CLVS1: variants seen among roughly 807,000 people sequenced by gnomAD.
CLVS1 encodes the protein clavesin 1, also known as clavesin-1.
In CLVS1, 10 loss-of-function variants were observed where a neutral mutation model predicts 33.1. The observed-to-expected ratio is 0.30, with a 90% confidence interval of 0.19 to 0.51. CLVS1 has a LOEUF of 0.51. Ranked by LOEUF, CLVS1 falls within the 20% of genes least tolerant of loss-of-function variation. The pLI is 0.97. For missense variants in CLVS1, 343 were observed against 433.4 expected (o/e 0.79, Z 1.85); for synonymous variants, 163 against 166.1 (o/e 0.98, Z 0.14).
the CLVS1 span, among the ~76,000 whole-genome samples, chr8:61,004,174 G>A: frequency 1.6e-3 from 242 of 152,342 alleles, 3 homozygotes; most frequent in Non-Finnish European, 3.7e-4. Context: ...AAATGCAATA[G>A]CACATATAAA....
At chr8:61,339,678 G>A (rs1050643813) in intron 2 of CLVS1, among the ~76,000 whole-genome samples, 9 of 151,622 alleles carry the variant, frequency 5.9e-5, no homozygotes, top group African/African-American at 2.2e-4. Flanking sequence ...GCAAGCTGAT[G>A]ACCTGAGAGA....
chr8:61,459,285 A>G (rs1424988234), intron 5 of CLVS1, among the ~76,000 whole-genome samples: 1 of 152,212 alleles, frequency 6.6e-6, no homozygotes, highest in Non-Finnish European at 1.5e-5. Context: ...GCCATAAAAG[A>G]GGGATTAAAA....
At chr8:61,117,466 G>T (rs991548233) in intron 1 of CLVS1, among the ~76,000 whole-genome samples, 1 of 151,824 alleles carries the variant, frequency 6.6e-6, no homozygotes, top group Non-Finnish European at 1.5e-5. Context: ...CAAAGGGAAT[G>T]CTTCCAGTTT....
At chr8:61,353,349 G>C (rs567530103) in intron 2 of CLVS1, among the ~76,000 whole-genome samples, 1 of 151,914 alleles carries the variant, frequency 6.6e-6, no homozygotes, top group Non-Finnish European at 1.5e-5. Flanking sequence ...TAAGTGTTTT[G>C]TCTGACCATA....
At chr8:61,276,025 G>A (rs1411190744) in intron 2 of CLVS1, among the ~76,000 whole-genome samples, 1 of 151,958 alleles carries the variant, frequency 6.6e-6, no homozygotes, top group Non-Finnish European at 1.5e-5. Context: ...GCATTAAAGG[G>A]GAAAAAAAGG....
intron 5 of CLVS1, among the ~76,000 whole-genome samples, chr8:61,479,721 C>A (rs1025150966): frequency 1.3e-4 from 20 of 152,030 alleles, no homozygotes; most frequent in Admixed American, 1.3e-3. Context: ...GTTTTATCTA[C>A]CTTTGGTTTT....
In CLVS1 at chr8:61,300,106, C is replaced by A. The variant is rs754367710; in HGVS notation, c.279C>A (p.Leu93=). The change falls in exon 2 of 6, where the codon CTC becomes CTA. Residue 93 remains leucine (L), a synonymous_variant. Coordinates refer to ENST00000325897, the MANE Select transcript of CLVS1 (RefSeq NM_173519.3). The part of the protein sequence containing the change: ...RKFHQADAFR[L]LAQYFQYRQL... ...TTCACCAAGCGGATGCCTTTAGACT[C>A]CTGGCTCAGTATTTCCAGTACCGCC... The A allele has an allele frequency of 6.2e-7, 1 of 1,614,040 alleles. No homozygotes were observed. The highest frequency in any genetic ancestry group is 1.1e-5 in the South Asian group (1 of 91,082).
chr8:61,249,479 C>G (rs1355088669), intron 2 of CLVS1, among the ~76,000 whole-genome samples: 1 of 152,162 alleles, frequency 6.6e-6, no homozygotes, highest in Non-Finnish European at 1.5e-5. Flanking sequence ...AGTTCTGGAT[C>G]CTTGAGGAAT....
At chr8:61,044,437 A>G in the CLVS1 span, among the ~76,000 whole-genome samples, 1 of 152,132 alleles carries the variant, frequency 6.6e-6, no homozygotes, top group Non-Finnish European at 1.5e-5. Flanking sequence ...AATCTGTTGT[A>G]AAATGAAAGT....
chr8:61,106,794 C>T (rs1805546823), intron 1 of CLVS1, among the ~76,000 whole-genome samples: 1 of 152,092 alleles, frequency 6.6e-6, no homozygotes, highest in Non-Finnish European at 1.5e-5. Context: ...TAAGAGTCAG[C>T]CCAACTTTGC....
chr8:61,498,972 A>G (rs1005685089), intron 5 of CLVS1, among the ~76,000 whole-genome samples: 2 of 152,174 alleles, frequency 1.3e-5, no homozygotes, highest in African/African-American at 4.8e-5. Context: ...TATATATCTG[A>G]AGGTACACAG....
intron 2 of CLVS1, among the ~76,000 whole-genome samples, chr8:61,237,699 A>G (rs16927083): frequency 0.076 from 11,631 of 152,186 alleles, 606 homozygotes; most frequent in East Asian, 0.16. Flanking sequence ...ATGGGATGCT[A>G]CAGAGGCTGG....
intron 3 of CLVS1, among the ~76,000 whole-genome samples, chr8:61,410,969 T>C (rs1301294061): frequency 2.0e-5 from 3 of 152,184 alleles, no homozygotes; most frequent in African/African-American, 4.8e-5. Flanking sequence ...CTGACATTTG[T>C]GGGCACTGAG....
At chr8:61,414,800 C>A (rs1449747031) in intron 3 of CLVS1, among the ~76,000 whole-genome samples, 2 of 152,206 alleles carry the variant, frequency 1.3e-5, no homozygotes, top group Non-Finnish European at 2.9e-5. Context: ...CAGGTAGCTT[C>A]CCCCAGGCCT....
the CLVS1 span, among the ~76,000 whole-genome samples, chr8:61,017,731 G>A: frequency 3.3e-5 from 5 of 152,224 alleles, no homozygotes; most frequent in African/African-American, 1.2e-4. Flanking sequence ...AAGCAGGTGA[G>A]CATGCACTGG....
the CLVS1 span, among the ~76,000 whole-genome samples, chr8:61,004,149 G>T: frequency 1.3e-4 from 20 of 152,242 alleles, no homozygotes; most frequent in Non-Finnish European, 2.5e-4. Flanking sequence ...ACCTGGCAAG[G>T]TGCTTATGTG....
chr8:60,981,585 G>A, the CLVS1 span, among the ~76,000 whole-genome samples: 1 of 152,102 alleles, frequency 6.6e-6, no homozygotes, highest in Non-Finnish European at 1.5e-5. Context: ...GATAGTTATA[G>A]TAACTGCAAT....
Position 61,300,168 on chromosome 8 carries a change from A to G in CLVS1, c.341A>G (p.Asp114Gly). The G allele has an allele frequency of 6.2e-7, 1 of 1,614,042 alleles. No individual in the cohort carries two copies. Among genetic ancestry groups the G allele is most frequent in the Middle Eastern group, 1.6e-4 (1 of 6,062 alleles). The change falls in exon 2 of 6, where the codon GAT becomes GGT. Residue 114 changes from aspartate (D) to glycine (G), a missense_variant. Coordinates refer to ENST00000325897, the MANE Select transcript of CLVS1 (RefSeq NM_173519.3). Reference sequence around the variant, plus strand: ...GACATGTTCAAAAACTTCAAGGCAGATGATCCCGGCATTAAGAGGGCTCTG... The same window carrying G: ...GACATGTTCAAAAACTTCAAGGCAGGTGATCCCGGCATTAAGAGGGCTCTG... ...NLDMFKNFKA[D>G]DPGIKRALID... is the part of the protein sequence containing the mutation.
At chr8:61,148,210 G>A (rs903592779) in intron 2 of CLVS1, among the ~76,000 whole-genome samples, 1 of 152,168 alleles carries the variant, frequency 6.6e-6, no homozygotes, top group Non-Finnish European at 1.5e-5. Flanking sequence ...CACTTATGTG[G>A]ACTGTCTCGT....
Sources: allele counts gnomAD v4.1 joint callset (sites outside exome capture counted in the v4.1 genomes callset), GRCh38; gene constraint gnomAD v4.1.1; transcripts MANE v1.5; gene names NCBI Gene and HGNC (gene_info 2026-07-23, HGNC 2026-07-21).